The following GPC5 variants were observed in gnomAD, a reference collection of about 807,000 sequenced individuals.
GPC5 encodes glypican-5.
A neutral mutation model predicts 53.9 loss-of-function variants in GPC5; 47 were observed. The observed-to-expected ratio is 0.87, with a 90% CI of 0.69 to 1.11. The LOEUF (loss-of-function observed/expected upper bound fraction) is 1.11, where lower values mean the gene tolerates loss of function less well. Among genes scored for constraint, GPC5 ranks in the 50% most tolerant of loss-of-function variants. The pLI is 0.00. For missense variants in GPC5, 748 were observed against 713.1 expected, an observed-to-expected ratio of 1.05 and a Z score of -0.56; for synonymous variants, 286 against 263.3, an observed-to-expected ratio of 1.09 and a Z score of -0.84.
chr13:91,485,217 T>C (rs965720871), intron 2 of GPC5, among the ~76,000 whole-genome samples: 3 of 149,658 alleles, frequency 2.0e-5, no homozygotes, highest in African/African-American at 7.3e-5. Flanking sequence ...TGGTCCCTTT[T>C]TTTTTTTTTT....
chr13:91,628,111 G>A (rs2034055963), intron 2 of GPC5, among the ~76,000 whole-genome samples: 1 of 152,052 alleles, frequency 6.6e-6, no homozygotes, highest in South Asian at 2.1e-4. Flanking sequence ...GATGCATGAA[G>A]TTAACTATTT....
intron 5 of GPC5, among the ~76,000 whole-genome samples, chr13:91,895,053 TAA>T (rs111823854): frequency 4.3e-4 from 53 of 123,698 alleles, no homozygotes; most frequent in East Asian, 4.6e-4. Flanking sequence ...ATCCCTAACT[TAA>T]AAAAAAAAAA....
intron 1 of GPC5, among the ~76,000 whole-genome samples, chr13:91,434,673 T>A (rs986169531): frequency 7.9e-5 from 12 of 152,324 alleles, no homozygotes; most frequent in Admixed American, 7.2e-4. Context: ...ATGCGGGCTC[T>A]TTTTTGGTTG....
intron 7 of GPC5, among the ~76,000 whole-genome samples, chr13:92,314,388 T>G (rs377662855): frequency 1.3e-5 from 2 of 152,188 alleles, no homozygotes; most frequent in Admixed American, 6.5e-5. Flanking sequence ...CCCAAAGAGA[T>G]AAAGTTGATA....
rs899549447 is a variant in GPC5, at chr13:91,701,888, C to G, written c.1020+8007C>G. On this transcript the variant is annotated intron_variant, in intron 3 of 7. Transcript: ENST00000377067. ...AACCACTGCACTTTTCTTCATAACACCTGTACAAAGTAACATTCCTGCCAA... is the reference window on the plus strand; with the variant it reads ...AACCACTGCACTTTTCTTCATAACAGCTGTACAAAGTAACATTCCTGCCAA... 2.6e-5 allele frequency among the ~76,000 whole-genome samples: 4 copies of G among 152,136 alleles called. No homozygotes were observed. The South Asian group carries it at 8.3e-4, about 32-fold the overall frequency.
intron 7 of GPC5, among the ~76,000 whole-genome samples, chr13:92,155,201 T>A (rs189141442): frequency 1.2e-3 from 187 of 152,304 alleles, no homozygotes; most frequent in African/African-American, 4.4e-3. Context: ...GTCTTAAAAA[T>A]TAATTTTGTT....
At chr13:92,628,254 C>CTTTCTTTTTT (rs1344894265) in intron 7 of GPC5, among the ~76,000 whole-genome samples, 1 of 59,606 alleles carries the variant, frequency 1.7e-5, no homozygotes, top group Non-Finnish European at 3.7e-5. Context: ...TTTTCTTTTT[C>CTTTCTTTTTT]TTTTTCTTTC....
intron 1 of GPC5, among the ~76,000 whole-genome samples, chr13:91,442,930 C>G (rs1275989234): frequency 6.6e-6 from 1 of 152,266 alleles, no homozygotes; most frequent in Non-Finnish European, 1.5e-5. Flanking sequence ...TGGTACAGTT[C>G]ATATCCAAAA....
rs1476934104 is a variant in GPC5, at chr13:91,398,693, G to T, written c.-354G>T. The T allele has an allele frequency of 4.3e-6, 1 of 234,366 alleles. No individual in the cohort carries two copies. The highest frequency in any genetic ancestry group is 8.1e-6 in the Non-Finnish European group (1 of 124,014). 14.5% of individuals were successfully genotyped at this position (234,366 alleles called of 1,614,324 possible). On this transcript the variant is annotated 5_prime_UTR_variant, in exon 1 of 8. Coordinates refer to ENST00000377067, the MANE Select transcript of GPC5 (RefSeq NM_004466.6). ...CGGCGGCGGCAGTGGCGGCAGTGGC[G>T]GCAGTGGCGGCAGCGGCAGCAGTTG... is the stretch of plus-strand genomic sequence containing the variant.
intron 7 of GPC5, among the ~76,000 whole-genome samples, chr13:92,558,848 A>T (rs1024241896): frequency 1.3e-5 from 2 of 152,008 alleles, no homozygotes; most frequent in African/African-American, 4.8e-5. Context: ...GCAATGACAT[A>T]CTAAACCCCC....
intron 2 of GPC5, among the ~76,000 whole-genome samples, chr13:91,643,760 C>T (rs528979200): frequency 6.6e-6 from 1 of 152,236 alleles, no homozygotes; most frequent in East Asian, 1.9e-4. Flanking sequence ...ATCACATGGC[C>T]TCCCCCCTGT....
At chr13:92,650,053 T>A (rs1851485397) in intron 7 of GPC5, among the ~76,000 whole-genome samples, 1 of 152,134 alleles carries the variant, frequency 6.6e-6, no homozygotes, top group South Asian at 2.1e-4. Context: ...TTGTTTCTCA[T>A]CATAAGTTCA....
At chr13:92,834,170 C>T (rs9584067) in intron 7 of GPC5, among the ~76,000 whole-genome samples, 17,469 of 152,032 alleles carry the variant, frequency 0.11, 1,128 homozygotes, top group African/African-American at 0.18. Context: ...CACTTCCTGG[C>T]AGCTAATAAA....
At chr13:92,753,954 G>T (rs1232236584) in intron 7 of GPC5, among the ~76,000 whole-genome samples, 1 of 150,872 alleles carries the variant, frequency 6.6e-6, no homozygotes, top group East Asian at 2.0e-4. Context: ...GCAGGCCAAC[G>T]TTCAGATTCA....
At chr13:92,388,995 A>T (rs1163590964) in intron 7 of GPC5, among the ~76,000 whole-genome samples, 1 of 152,136 alleles carries the variant, frequency 6.6e-6, no homozygotes, top group Non-Finnish European at 1.5e-5. Context: ...TTATTTCTAC[A>T]GAAAAACACC....
At chr13:92,134,830 C>T (rs1267275460) in intron 6 of GPC5, among the ~76,000 whole-genome samples, 3 of 151,946 alleles carry the variant, frequency 2.0e-5, no homozygotes, top group African/African-American at 7.3e-5. Flanking sequence ...ATTTTCGTGT[C>T]AGTATATGTA....
At chr13:91,911,913 T>C (rs1357988213) in intron 6 of GPC5, among the ~76,000 whole-genome samples, 10 of 152,134 alleles carry the variant, frequency 6.6e-5, no homozygotes, top group Non-Finnish European at 1.2e-4. Flanking sequence ...TGGGATTGAT[T>C]AAAAATCAGT....
At chr13:92,321,863 T>C (rs1224596364) in intron 7 of GPC5, among the ~76,000 whole-genome samples, 1 of 152,190 alleles carries the variant, frequency 6.6e-6, no homozygotes, top group African/African-American at 2.4e-5. Context: ...TGGTCCACTT[T>C]CTTTGAAATA....
At chr13:91,961,656 T>C (rs1348405343) in intron 6 of GPC5, among the ~76,000 whole-genome samples, 1 of 152,072 alleles carries the variant, frequency 6.6e-6, no homozygotes, top group Non-Finnish European at 1.5e-5. Context: ...AAAAGTTGAA[T>C]GGACAAATTA....
Sources: gnomAD v4.1 joint callset for allele counts (sites outside exome capture counted in the v4.1 genomes callset) on GRCh38, gnomAD v4.1.1 for gene constraint, MANE v1.5 for transcripts, NCBI Gene and HGNC (gene_info 2026-07-23, HGNC 2026-07-21) for gene names.